KDM2A: variants seen among roughly 807,000 people sequenced by gnomAD.
KDM2A encodes lysine-specific demethylase 2A.
Under a neutral mutation model 137.3 loss-of-function variants are expected in KDM2A, and 3 were observed. The ratio of observed to expected loss-of-function variants is 0.02; its 90% CI spans 0.01 to 0.06. The LOEUF (loss-of-function observed/expected upper bound fraction) is 0.06, where lower values mean the gene tolerates loss of function less well. Ranked by LOEUF, KDM2A falls within the 10% of genes least tolerant of loss-of-function variation. The pLI is 1.00. For synonymous variants in KDM2A, 512 were observed against 541.5 expected, an observed-to-expected ratio of 0.95 and a Z score of 0.76; for missense variants, 738 against 1,510.6, an observed-to-expected ratio of 0.49 and a Z score of 8.48.
chr11:67,155,535 C>G (rs1445133399), intron 2 of KDM2A, among the ~76,000 whole-genome samples: 4 of 152,052 alleles, frequency 2.6e-5, no homozygotes, highest in Admixed American at 1.3e-4. Context: ...AACTCTTGGC[C>G]TAAAATGACC....
chr11:67,247,182 G>C (rs1170437282), intron 15 of KDM2A, among the ~76,000 whole-genome samples: 6 of 138,788 alleles, frequency 4.3e-5, no homozygotes, highest in African/African-American at 1.6e-4. Flanking sequence ...CTTTGTCTCT[G>C]GTGTTCAAGT....
At chr11:67,177,849 T>C (rs1309927445) in intron 2 of KDM2A, among the ~76,000 whole-genome samples, 1 of 152,160 alleles carries the variant, frequency 6.6e-6, no homozygotes, top group Non-Finnish European at 1.5e-5. Flanking sequence ...ACAGTTAGAT[T>C]TACACAAGCA....
intron 2 of KDM2A, among the ~76,000 whole-genome samples, chr11:67,139,764 C>CTTG (rs1856052208): frequency 6.6e-6 from 1 of 151,948 alleles, no homozygotes; most frequent in African/African-American, 2.4e-5. Flanking sequence ...GTCTGGAGTG[C>CTTG]GCTGGCACGA....
At chr11:67,192,664 C>CA (rs1857386322) in intron 5 of KDM2A, among the ~76,000 whole-genome samples, 1 of 151,768 alleles carries the variant, frequency 6.6e-6, no homozygotes, top group Admixed American at 6.6e-5. Flanking sequence ...AGGCTGGTCT[C>CA]AAACTCCTGA....
chr11:67,188,463 CAG>C (rs1328600785), intron 5 of KDM2A, among the ~76,000 whole-genome samples: 1 of 140,614 alleles, frequency 7.1e-6, no homozygotes, highest in African/African-American at 2.7e-5. Flanking sequence ...GCCTGGGCGA[CAG>C]AGCAAGACTC....
Position 67,166,098 on chromosome 11 carries a change from G to A in KDM2A, c.43-13981G>A, listed in dbSNP as rs955737744. 6.6e-5 allele frequency among the ~76,000 whole-genome samples: 10 copies of A among 152,050 alleles called. No individual in the cohort carries two copies. The East Asian group carries it at 1.5e-3, about 23-fold the overall frequency. ...TCAGGCAGTAAACAGAAGTATTCAG[G>A]GAGTATTTGTATTTCAGTAGGTGTT... is the stretch of plus-strand genomic sequence containing the variant. On this transcript the variant is annotated intron_variant, in intron 2 of 20. Transcript: ENST00000529006.
chr11:67,141,913 A>T (rs1293347579), intron 2 of KDM2A, among the ~76,000 whole-genome samples: 1 of 151,876 alleles, frequency 6.6e-6, no homozygotes, highest in Non-Finnish European at 1.5e-5. Context: ...TTGAGTGAGA[A>T]CACGTGATAC....
intron 5 of KDM2A, among the ~76,000 whole-genome samples, chr11:67,195,171 T>C (rs1259885845): frequency 6.6e-6 from 1 of 152,028 alleles, no homozygotes; most frequent in African/African-American, 2.4e-5. Context: ...CTAGTCTAAA[T>C]AGTCTCAGTT....
chr11:67,257,960 A>G lies in KDM2A; in HGVS notation c.*2905A>G, dbSNP rs957450127. 3 of 152,244 alleles carry G rather than the reference A, an allele frequency of 2.0e-5. No homozygotes were observed. Among genetic ancestry groups the G allele is most frequent in the Non-Finnish European group, 2.9e-5 (2 of 68,036 alleles). 9.4% of individuals were successfully genotyped at this position (152,244 alleles called of 1,614,324 possible). On this transcript the variant is annotated 3_prime_UTR_variant, in exon 21 of 21. Transcript: ENST00000529006. ...ACGTGGGAATGGGTGATATTTGTGT[A>G]ATAAAATTTTTAAAAGACAAAAAAA...
intron 6 of KDM2A, among the ~76,000 whole-genome samples, chr11:67,211,613 C>CAAAAAA (rs377116306): frequency 1.6e-4 from 8 of 50,260 alleles, no homozygotes; most frequent in African/African-American, 1.9e-4. Context: ...GACCCTGTCT[C>CAAAAAA]AAAAAAAAAA....
chr11:67,128,041 G>T (rs1323308158), intron 2 of KDM2A, among the ~76,000 whole-genome samples: 9 of 146,678 alleles, frequency 6.1e-5, no homozygotes, highest in Admixed American at 6.8e-5. Flanking sequence ...TTTAGGCGGG[G>T]TCTTGCTCTG....
chr11:67,156,801 A>C (rs896024106), intron 2 of KDM2A, among the ~76,000 whole-genome samples: 7 of 151,794 alleles, frequency 4.6e-5, no homozygotes, highest in African/African-American at 1.7e-4. Context: ...AGTCAGGAGA[A>C]TCGCTTGAAC....
rs901750149 is a variant in KDM2A at position 67,250,113 on chromosome 11, G to C, written c.2083G>C (p.Glu695Gln). ...QKRKMEESDE[E>Q]AVQAKVLRPL... ...GCGGAAAATGGAAGAGAGTGACGAA[G>C]AAGCTGTGCAAGCCAAAGTCCTGCG... The change falls in exon 17 of 21, where the codon GAA becomes CAA. Residue 695 changes from glutamate to glutamine, a missense_variant. Glu to Gln is a conservative substitution (Grantham distance 29). Coordinates refer to ENST00000529006, the MANE Select transcript of KDM2A (RefSeq NM_012308.3). This position sits in a 1 kb window ranked among gnomAD's most constrained non-coding sequence, Gnocchi z 7.1. The C allele has an allele frequency of 9.4e-6, 15 of 1,593,024 alleles. No homozygotes were observed. Among genetic ancestry groups the C allele is most frequent in the Non-Finnish European group, 8.5e-6 (10 of 1,170,068 alleles).
At chr11:67,175,915 T>TA (rs1279984791) in intron 2 of KDM2A, among the ~76,000 whole-genome samples, 1 of 152,154 alleles carries the variant, frequency 6.6e-6, no homozygotes, top group Non-Finnish European at 1.5e-5. Flanking sequence ...CAGAGACACA[T>TA]ATACAAAATA....
chr11:67,218,510 AT>A (rs1192958018), intron 9 of KDM2A, among the ~76,000 whole-genome samples: 1 of 152,188 alleles, frequency 6.6e-6, no homozygotes, highest in Non-Finnish European at 1.5e-5. Context: ...CCTAACACAA[AT>A]TCATAAGCCT....
At chr11:67,140,758 A>G (rs545952991) in intron 2 of KDM2A, among the ~76,000 whole-genome samples, 1 of 152,264 alleles carries the variant, frequency 6.6e-6, no homozygotes, top group Non-Finnish European at 1.5e-5. Context: ...GTCTCAAAAA[A>G]AAAAAGTTAC....
chr11:67,176,475 G>A (rs1856975495), intron 2 of KDM2A, among the ~76,000 whole-genome samples: 1 of 152,132 alleles, frequency 6.6e-6, no homozygotes, highest in South Asian at 2.1e-4. Context: ...TTCCTGTTGG[G>A]TATGTATTCA....
chr11:67,123,025 C>T (rs1470616964), intron 2 of KDM2A, among the ~76,000 whole-genome samples: 2 of 152,092 alleles, frequency 1.3e-5, no homozygotes, highest in African/African-American at 4.8e-5. Flanking sequence ...GGGTGACGTT[C>T]AGTGATGTGA....
At chr11:67,239,908 T>G (rs974091122) in intron 12 of KDM2A, 2 of 357,630 alleles carry the variant, frequency 5.6e-6, no homozygotes, top group African/African-American at 2.1e-5. Flanking sequence ...GGCTGAGCTC[T>G]CCTCCCTGGC....
Sources: allele counts gnomAD v4.1 joint callset (sites outside exome capture counted in the v4.1 genomes callset), GRCh38; gene constraint gnomAD v4.1.1; non-coding constraint Gnocchi (gnomAD v3.1); transcripts MANE v1.5; gene names NCBI Gene and HGNC (gene_info 2026-07-23, HGNC 2026-07-21).